Variants in ENPP2 observed in about 807,000 individuals in gnomAD.
The protein encoded by ENPP2 is autotaxin.
In ENPP2, 51 loss-of-function variants were observed where a neutral mutation model predicts 120.2. The observed-to-expected ratio is 0.42, with a 90% CI of 0.34 to 0.54. The LOEUF is 0.54. ENPP2 is among the 20% of genes least tolerant of loss of function. The pLI is 0.04. For missense variants in ENPP2, 920 were observed against 1,066.5 expected (o/e 0.86, Z 1.91); for synonymous variants, 365 against 366.4 (o/e 1.00, Z 0.04).
intron 11 of ENPP2, among the ~76,000 whole-genome samples, chr8:119,598,145 G>A (rs1466453989): frequency 1.3e-5 from 2 of 152,108 alleles, no homozygotes; most frequent in Non-Finnish European, 2.9e-5. Flanking sequence ...ACTTGCTTTG[G>A]TTTCATGTTT....
chr8:119,590,309 C>G (rs931918187), intron 13 of ENPP2, among the ~76,000 whole-genome samples, 196 bp downstream of exon 13: 2 of 152,150 alleles, frequency 1.3e-5, no homozygotes, highest in Non-Finnish European at 2.9e-5. Context: ...CTACAGGTAG[C>G]TGCTAGCATT....
In ENPP2 at chr8:119,609,889, C is replaced by T. The variant is rs148989205; in HGVS notation, c.778-1912G>A. 5.9e-5 allele frequency among the ~76,000 whole-genome samples: 9 copies of T among 152,202 alleles called. No homozygotes were observed. The East Asian group carries it at 1.7e-3, about 29-fold the overall frequency. ...AAACACACTTTTAATACAAATTTCT[C>T]AAATAATGACCTGCACTTTCAAAAA... On this transcript the variant is annotated intron_variant, in intron 8 of 24. Transcript: ENST00000075322.
At chr8:119,633,656 T>A (rs1458374513) in intron 2 of ENPP2, among the ~76,000 whole-genome samples, 1 of 152,060 alleles carries the variant, frequency 6.6e-6, no homozygotes, top group Non-Finnish European at 1.5e-5. Context: ...GAATTTGCCA[T>A]TTTTTATTGA....
intron 1 of ENPP2, among the ~76,000 whole-genome samples, chr8:119,660,101 C>T (rs537444943): frequency 6.6e-6 from 1 of 152,268 alleles, no homozygotes; most frequent in South Asian, 2.1e-4. Context: ...AAAGGAGGGG[C>T]CACTGTGCTG....
At chr8:119,619,402 C>T in intron 4 of ENPP2, 98 bp from the exon 5 acceptor site, 12 of 736,344 alleles carry the variant, frequency 1.6e-5, no homozygotes, top group South Asian at 7.3e-5. Flanking sequence ...TTGATACTTT[C>T]TTTATGGGAT....
intron 11 of ENPP2, chr8:119,596,098 C>A: frequency 8.7e-7 from 1 of 1,148,228 alleles, no homozygotes; most frequent in Non-Finnish European, 1.2e-6. Context: ...TCAGCAGAGT[C>A]TCAGAATAAC....
At chr8:119,618,261 G>T (rs911824580) in intron 5 of ENPP2, 12 of 495,604 alleles carry the variant, frequency 2.4e-5, no homozygotes, top group African/African-American at 1.2e-4. Flanking sequence ...TGCTTCTTGG[G>T]ATTCTCCAAA....
intron 1 of ENPP2, among the ~76,000 whole-genome samples, chr8:119,663,119 C>CAAAAAAA: frequency 8.3e-6 from 1 of 120,428 alleles, no homozygotes; most frequent in Non-Finnish European, 1.7e-5. Flanking sequence ...ACTCTTGTCT[C>CAAAAAAA]AAAAAAAAAA....
chr8:119,601,465 G>T lies in ENPP2; in HGVS notation c.834-3C>A, dbSNP rs1814300836. Reference sequence around the variant, plus strand: ...TTCTCCGCTCGTGAGGGATGACACTGGAGGGTAAAAGCAAGCAAAGCATGT... The same window carrying T: ...TTCTCCGCTCGTGAGGGATGACACTTGAGGGTAAAAGCAAGCAAAGCATGT... On this transcript the variant is annotated splice_region_variant and splice_polypyrimidine_tract_variant and intron_variant, in intron 9 of 24. Coordinates refer to ENST00000075322, the MANE Select transcript of ENPP2 (RefSeq NM_001040092.3). 1.9e-6 allele frequency: 3 copies of T among 1,611,896 alleles called. No individual in the cohort carries two copies. The highest frequency in any genetic ancestry group is 1.7e-4 in the Middle Eastern group (1 of 6,052).
At chr8:119,562,748 G>T in intron 24 of ENPP2, 109 bp downstream of exon 24, 1 of 1,124,790 alleles carries the variant, frequency 8.9e-7, no homozygotes, top group Non-Finnish European at 1.3e-6. Context: ...TTCTGTTTAG[G>T]GTGAATGCTT....
chr8:119,627,350 A>G (rs1816351099), intron 2 of ENPP2, among the ~76,000 whole-genome samples: 1 of 152,228 alleles, frequency 6.6e-6, no homozygotes, highest in Non-Finnish European at 1.5e-5. Flanking sequence ...AGAAATCAAA[A>G]GAATCAACTA....
intron 3 of ENPP2, among the ~76,000 whole-genome samples, chr8:119,624,707 T>C (rs1344577956): frequency 6.6e-6 from 1 of 152,174 alleles, no homozygotes; most frequent in Non-Finnish European, 1.5e-5. Flanking sequence ...AAAGATTTAT[T>C]AATACAGATA....
intron 5 of ENPP2, chr8:119,618,110 T>A (rs1035708597): frequency 2.9e-6 from 1 of 345,076 alleles, no homozygotes; most frequent in Non-Finnish European, 5.7e-6. Flanking sequence ...GATTAAGAAG[T>A]CATGAAACAT....
At chr8:119,560,694 G>A (rs932130669) in intron 24 of ENPP2, among the ~76,000 whole-genome samples, 3 of 152,062 alleles carry the variant, frequency 2.0e-5, no homozygotes, top group Non-Finnish European at 2.9e-5. Context: ...TGCCTAAAAC[G>A]TACGAAAAAA....
chr8:119,635,225 T>A (rs192588947), intron 2 of ENPP2, among the ~76,000 whole-genome samples: 3 of 152,336 alleles, frequency 2.0e-5, no homozygotes, highest in African/African-American at 7.2e-5. Flanking sequence ...CATAAAGTTG[T>A]TAGTGACAGT....
Position 119,587,019 on chromosome 8 carries a change from A to G in ENPP2, c.1239+25T>C, listed in dbSNP as rs1388234477. ...AGGGGCAGAGGCCTGGGCAGGGCAG[A>G]GGCGGGACAACTGGAAACACTTACC... On this transcript the variant is annotated intron_variant, in intron 14 of 24. Transcript: ENST00000075322. 11 of 1,605,998 alleles carry G rather than the reference A, an allele frequency of 6.8e-6. No individual in the cohort carries two copies. The South Asian group carries it at 1.0e-4, about 15-fold the overall frequency.
chr8:119,565,877 C>T (rs536771887), intron 22 of ENPP2, among the ~76,000 whole-genome samples: 27 of 151,366 alleles, frequency 1.8e-4, no homozygotes, highest in South Asian at 6.4e-4. Context: ...CTTGCACGCA[C>T]ATGCACACAC....
Position 119,570,768 on chromosome 8 carries a change from A to G in ENPP2, c.1854T>C (p.Phe618=). The G allele has an allele frequency of 1.3e-6, 2 of 1,595,182 alleles. No homozygotes were observed. Among genetic ancestry groups the G allele is most frequent in the Non-Finnish European group, 1.7e-6 (2 of 1,167,536 alleles). ...GGAATATTTCACTATAACCACTTTC[A>G]AAGTCAGTGTGATATAAGATATCAT... is the stretch of plus-strand genomic sequence containing the variant. The part of the protein sequence containing the change: ...TRYDILYHTD[F]ESGYSEIFLM... Residue 618 remains phenylalanine, a synonymous_variant, in exon 20 of 25, where the codon TTT becomes TTC. Transcript: ENST00000075322.
intron 8 of ENPP2, among the ~76,000 whole-genome samples, 174 bp downstream of exon 8, chr8:119,616,091 G>A (rs1181482178): frequency 1.3e-5 from 2 of 151,628 alleles, no homozygotes; most frequent in African/African-American, 4.8e-5. Flanking sequence ...TATATATAAT[G>A]CATATATACA....
Sources: gnomAD v4.1 joint callset for allele counts (sites outside exome capture counted in the v4.1 genomes callset) on GRCh38, gnomAD v4.1.1 for gene constraint, MANE v1.5 for transcripts, NCBI Gene and HGNC (gene_info 2026-07-23, HGNC 2026-07-21) for gene names.